PDE2A: variants seen among roughly 807,000 people sequenced by gnomAD.
The protein encoded by PDE2A is cGMP-dependent 3',5'-cyclic phosphodiesterase.
A neutral mutation model predicts 133.6 loss-of-function variants in PDE2A; 53 were observed. That is an observed-to-expected ratio of 0.40 (90% CI 0.32 to 0.50). PDE2A has a LOEUF of 0.50. PDE2A is among the 20% of genes least tolerant of loss of function. The probability of loss-of-function intolerance (pLI) is 0.73; values close to 1 mark genes in which losing one functional copy is unlikely to be tolerated. For synonymous variants in PDE2A, 491 were observed against 490.2 expected (o/e 1.00, Z -0.02); for missense variants, 796 against 1,232.4 (o/e 0.65, Z 5.30).
intron 2 of PDE2A, among the ~76,000 whole-genome samples, chr11:72,610,628 CAT>C (rs1857166818): frequency 6.6e-6 from 1 of 152,140 alleles, no homozygotes; most frequent in Admixed American, 6.5e-5. Context: ...GATGAAGACA[CAT>C]ATCTTGGTCA....
At chr11:72,670,628 C>T (rs987048313) in intron 1 of PDE2A, among the ~76,000 whole-genome samples, 9 of 152,304 alleles carry the variant, frequency 5.9e-5, no homozygotes, top group African/African-American at 2.2e-4. Context: ...GGAGTCAGGG[C>T]CTGCACCCAT....
chr11:72,646,095 C>T (rs1209608317), intron 1 of PDE2A, among the ~76,000 whole-genome samples: 2 of 152,222 alleles, frequency 1.3e-5, no homozygotes, highest in Admixed American at 6.5e-5. Context: ...CTGCCCATCT[C>T]GGACACCAGG....
At chr11:72,580,688 G>T in intron 24 of PDE2A, 64 bp from the exon 25 acceptor site, 1 of 1,294,320 alleles carries the variant, frequency 7.7e-7, no homozygotes. Flanking sequence ...ACTGCTTTAG[G>T]CTGAGCAGTG....
intron 3 of PDE2A, among the ~76,000 whole-genome samples, chr11:72,605,614 C>T (rs1242610479): frequency 1.3e-5 from 2 of 152,196 alleles, no homozygotes; most frequent in African/African-American, 4.8e-5. Flanking sequence ...ACTGAGCATC[C>T]ACTCTGAGCT....
intron 2 of PDE2A, among the ~76,000 whole-genome samples, chr11:72,633,372 G>A (rs1312034897): frequency 6.6e-6 from 1 of 152,212 alleles, no homozygotes; most frequent in Non-Finnish European, 1.5e-5. Context: ...CACTGAAGGA[G>A]TGGCCCCAGG....
At chr11:72,674,074 C>A in intron 1 of PDE2A, 63 bp downstream of exon 1, 1 of 1,541,922 alleles carries the variant, frequency 6.5e-7, no homozygotes, top group South Asian at 1.1e-5. Flanking sequence ...GGAGGGACTC[C>A]CAGGACCCTG....
chr11:72,632,843 G>T (rs2135420102), intron 2 of PDE2A, among the ~76,000 whole-genome samples: 1 of 152,052 alleles, frequency 6.6e-6, no homozygotes, highest in East Asian at 1.9e-4. Flanking sequence ...GGAGGTGGAG[G>T]CAGGGTGCTG....
intron 3 of PDE2A, among the ~76,000 whole-genome samples, chr11:72,606,367 G>C (rs942619358): frequency 2.0e-5 from 3 of 152,162 alleles, no homozygotes; most frequent in African/African-American, 4.8e-5. Context: ...CCCTCAGTAA[G>C]TGTGGAATCC....
chr11:72,604,829 C>T (rs981474098), intron 4 of PDE2A, among the ~76,000 whole-genome samples: 2 of 152,250 alleles, frequency 1.3e-5, no homozygotes, highest in Non-Finnish European at 2.9e-5. Flanking sequence ...CTAACTGATA[C>T]ACCCCATAGC....
intron 6 of PDE2A, among the ~76,000 whole-genome samples, chr11:72,592,379 A>C (rs1856290300): frequency 6.6e-6 from 1 of 152,198 alleles, no homozygotes; most frequent in African/African-American, 2.4e-5. Context: ...GTCTCCTGCC[A>C]GGAGCAGATG....
intron 4 of PDE2A, 49 bp downstream of exon 4, chr11:72,605,089 G>A (rs756881769): frequency 8.1e-7 from 1 of 1,237,628 alleles, no homozygotes; most frequent in Non-Finnish European, 1.2e-6. Flanking sequence ...TCAGCCCTGA[G>A]AATCCTTGGC....
At position 72,674,192 on chromosome 11, in the gene PDE2A, C is replaced by T. The variant is rs1240015122; in HGVS notation, c.16G>A (p.Gly6Ser). ...TGGCTCCTGCAGAGGATGGAGTGGC[C>T]GCATGCCTGCCCCATCACTCCTCAT... MGQAC[G>S]HSILCRSQQY... Residue 6 changes from glycine to serine, a missense_variant, in exon 1 of 31, where the codon GGC (glycine) becomes AGC (serine). Coordinates refer to ENST00000334456, the MANE Select transcript of PDE2A (RefSeq NM_002599.5). 1.2e-5 allele frequency: 19 copies of T among 1,611,072 alleles called. No homozygotes were observed. The highest frequency in any genetic ancestry group is 4.0e-5 in the African/African-American group (3 of 74,908).
At position 72,590,720 on chromosome 11, in the gene PDE2A, C is replaced by G; in HGVS notation, c.550-140G>C. ...CGCCGCCGTCCCAAACACCTCATCC[C>G]TGGACTCTACCTTCCTGAGGGCTCC... On this transcript the variant is annotated intron_variant, in intron 7 of 30. Transcript: ENST00000334456. This position sits in a 1 kb window ranked among gnomAD's most constrained non-coding sequence, Gnocchi z 4.8. 1 of 771,754 alleles carries G rather than the reference C, an allele frequency of 1.3e-6. No individual in the cohort carries two copies. The highest frequency in any genetic ancestry group is 2.8e-5 in the South Asian group (1 of 35,624). 47.8% of individuals were successfully genotyped at this position (771,754 alleles called of 1,614,324 possible).
intron 2 of PDE2A, among the ~76,000 whole-genome samples, chr11:72,628,382 G>A (rs1488055697): frequency 6.7e-6 from 1 of 149,546 alleles, no homozygotes; most frequent in East Asian, 2.0e-4. Flanking sequence ...CCAGGCTGAA[G>A]TGCAGTGGCG....
chr11:72,608,798 G>A, intron 2 of PDE2A, 47 bp from the exon 3 acceptor site: 1 of 1,095,146 alleles, frequency 9.1e-7, no homozygotes, highest in Non-Finnish European at 1.4e-6. Context: ...GGCAGGCCAG[G>A]GCAGCCCCAT....
At chr11:72,627,105 T>A (rs906279876) in intron 2 of PDE2A, among the ~76,000 whole-genome samples, 1 of 152,190 alleles carries the variant, frequency 6.6e-6, no homozygotes, top group Non-Finnish European at 1.5e-5. Flanking sequence ...CCAACCCAAC[T>A]GTGCCCCTTC....
intron 1 of PDE2A, among the ~76,000 whole-genome samples, chr11:72,666,165 C>G (rs1236269887): frequency 1.3e-5 from 2 of 152,138 alleles, no homozygotes; most frequent in South Asian, 2.1e-4. Flanking sequence ...CTTCACACCA[C>G]AGACTTGGCT....
At chr11:72,662,801 C>T (rs117526175) in intron 1 of PDE2A, among the ~76,000 whole-genome samples, 3 of 152,156 alleles carry the variant, frequency 2.0e-5, no homozygotes, top group South Asian at 2.1e-4. Context: ...GTCTAGCCCC[C>T]CTACTTCACC....
At chr11:72,650,086 A>G (rs562047363) in intron 1 of PDE2A, among the ~76,000 whole-genome samples, 1 of 150,478 alleles carries the variant, frequency 6.6e-6, no homozygotes, top group East Asian at 2.0e-4. Flanking sequence ...CAGTGGTACA[A>G]TCTCGACTCA....
Sources: allele counts gnomAD v4.1 joint callset (sites outside exome capture counted in the v4.1 genomes callset), GRCh38; gene constraint gnomAD v4.1.1; non-coding constraint Gnocchi (gnomAD v3.1); transcripts MANE v1.5; gene names NCBI Gene and HGNC (gene_info 2026-07-23, HGNC 2026-07-21).